Variants in CPEB2 observed in about 807,000 individuals in gnomAD.
CPEB2 encodes cytoplasmic polyadenylation element-binding protein 2.
In CPEB2, 56 loss-of-function variants were observed where a neutral mutation model predicts 93.6. That is an observed-to-expected ratio of 0.60 (90% confidence interval 0.48 to 0.75). CPEB2 has a LOEUF of 0.75. CPEB2 is among the 30% of genes least tolerant of loss of function. The pLI, the probability that CPEB2 is intolerant of heterozygous loss-of-function variation, is 0.00. For missense variants in CPEB2, 1,579 were observed against 1,395.1 expected, an observed-to-expected ratio of 1.13 and a Z score of -2.10; for synonymous variants, 764 against 586.3, an observed-to-expected ratio of 1.30 and a Z score of -4.38.
intron 4 of CPEB2, 93 bp from the exon 5 acceptor site, chr4:15,033,068 T>G (rs1726280857): frequency 2.5e-6 from 2 of 815,388 alleles, no homozygotes; most frequent in African/African-American, 1.7e-5. Context: ...AATTTTCTCT[T>G]TATGCTGCCT....
At chr4:15,064,597 C>G (rs1024368653) in intron 11 of CPEB2, among the ~76,000 whole-genome samples, 1 of 151,708 alleles carries the variant, frequency 6.6e-6, no homozygotes, top group African/African-American at 2.4e-5. Context: ...AAGAAATAAC[C>G]ATGAGAAAGA....
chr4:15,055,971 TC>T (rs1439174861), intron 8 of CPEB2, among the ~76,000 whole-genome samples: 1 of 152,328 alleles, frequency 6.6e-6, no homozygotes. Flanking sequence ...CCTGCCCAAC[TC>T]CTAGTGCTGT....
chr4:15,058,361 G>T, intron 8 of CPEB2, 60 bp from the exon 9 acceptor site: 11 of 895,232 alleles, frequency 1.2e-5, no homozygotes, highest in South Asian at 4.5e-5. Flanking sequence ...AAATAGTACT[G>T]AAATTTGGAG....
chr4:15,065,632 C>T (rs981699321), intron 11 of CPEB2, among the ~76,000 whole-genome samples: 12 of 152,178 alleles, frequency 7.9e-5, no homozygotes, highest in East Asian at 3.9e-4. Context: ...ACCTTCACAA[C>T]GGGACTTGTG....
At chr4:15,045,522 C>G (rs1727583668) in intron 6 of CPEB2, among the ~76,000 whole-genome samples, 1 of 152,040 alleles carries the variant, frequency 6.6e-6, no homozygotes, top group Non-Finnish European at 1.5e-5. Flanking sequence ...ATTTGGGTTT[C>G]TTTCATAACA....
At chr4:15,029,781 G>GA (rs1725884045) in intron 4 of CPEB2, among the ~76,000 whole-genome samples, 1 of 152,010 alleles carries the variant, frequency 6.6e-6, no homozygotes, top group African/African-American at 2.4e-5. Context: ...CTATTATCCT[G>GA]AAAACACAGT....
Position 15,003,420 on chromosome 4 carries a change from C to G in CPEB2, c.747C>G (p.Phe249Leu). The change falls in exon 1 of 12, where the codon TTC (phenylalanine) becomes TTG (leucine). Residue 249 changes from phenylalanine to leucine, a missense_variant. Coordinates refer to ENST00000538197, the MANE Select transcript of CPEB2 (RefSeq NM_001177382.2). ...AGCAGCACCTCTCGCCGCAGGACTT[C>G]GCCCCGCGGCAGCGTCCGGCAGACC... ...LHQQHLSPQDFAPRQRPADLP... is the reference protein window; with the variant it reads ...LHQQHLSPQDLAPRQRPADLP... The G allele has an allele frequency of 7.4e-7, 1 of 1,357,130 alleles. No individual in the cohort carries two copies. The highest frequency in any genetic ancestry group is 9.4e-7 in the Non-Finnish European group (1 of 1,065,160). The allele number at this position is 1,357,130 out of a possible 1,614,324, so 84.1% of individuals were successfully genotyped here.
chr4:15,016,001 G>A (rs1460721377), intron 3 of CPEB2, among the ~76,000 whole-genome samples: 2 of 151,932 alleles, frequency 1.3e-5, no homozygotes, highest in Non-Finnish European at 1.5e-5. Context: ...AGAAAGGGGG[G>A]ACTACTGTAC....
At chr4:15,048,927 A>G (rs1267878686) in intron 6 of CPEB2, among the ~76,000 whole-genome samples, 1 of 152,050 alleles carries the variant, frequency 6.6e-6, no homozygotes, top group Non-Finnish European at 1.5e-5. Context: ...ATAATTGGCA[A>G]GGTAAAAGGT....
intron 6 of CPEB2, among the ~76,000 whole-genome samples, chr4:15,052,111 C>G (rs1284226304): frequency 1.3e-5 from 2 of 151,790 alleles, no homozygotes; most frequent in Non-Finnish European, 2.9e-5. Context: ...TTCTAACTGT[C>G]CACATACATT....
chr4:15,053,565 C>A (rs1323399885), intron 7 of CPEB2, among the ~76,000 whole-genome samples: 1 of 152,090 alleles, frequency 6.6e-6, no homozygotes, highest in Non-Finnish European at 1.5e-5. Flanking sequence ...TTCAGATATC[C>A]ACAAACTTAA....
At chr4:15,034,203 C>T (rs1726387862) in intron 5 of CPEB2, among the ~76,000 whole-genome samples, 2 of 152,124 alleles carry the variant, frequency 1.3e-5, no homozygotes, top group Admixed American at 1.3e-4. Context: ...AGTTGTCTAG[C>T]GCATGCCAGT....
At chr4:15,042,715 G>A (rs1727302910) in intron 6 of CPEB2, among the ~76,000 whole-genome samples, 1 of 152,170 alleles carries the variant, frequency 6.6e-6, no homozygotes, top group African/African-American at 2.4e-5. Flanking sequence ...CACTGAAACG[G>A]TAAGTAATGC....
Position 15,008,440 on chromosome 4 carries a change from G to GT in CPEB2, c.2034+14dup. 1 of 1,583,408 alleles carries GT rather than the reference G, an allele frequency of 6.3e-7. No homozygotes were observed. The highest frequency in any genetic ancestry group is 8.7e-7 in the Non-Finnish European group (1 of 1,153,998). The stretch of plus-strand genomic sequence containing the variant: ...CAGAATAGACCAGGTAGGCTGCACA[G>GT]TGTATACTTTTTAGGATTTCGGTTA... On this transcript the variant is annotated intron_variant, in intron 3 of 11. Coordinates refer to ENST00000538197, the MANE Select transcript of CPEB2 (RefSeq NM_001177382.2).
At chr4:15,047,704 T>C (rs1424096362) in intron 6 of CPEB2, among the ~76,000 whole-genome samples, 2 of 152,076 alleles carry the variant, frequency 1.3e-5, no homozygotes, top group Non-Finnish European at 2.9e-5. Context: ...TTTGCCAGTG[T>C]TCATGACTTT....
intron 6 of CPEB2, among the ~76,000 whole-genome samples, chr4:15,051,908 A>G (rs1728265291): frequency 6.6e-6 from 1 of 152,254 alleles, no homozygotes; most frequent in Non-Finnish European, 1.5e-5. Flanking sequence ...AGCTCCGTCT[A>G]CTGTTTCATG....
intron 4 of CPEB2, among the ~76,000 whole-genome samples, chr4:15,020,074 C>T (rs949818930): frequency 2.0e-5 from 3 of 151,984 alleles, no homozygotes; most frequent in African/African-American, 7.2e-5. Context: ...TGGTTTGTTG[C>T]CTCATGGACC....
chr4:15,056,943 T>A (rs1728766354), intron 8 of CPEB2, among the ~76,000 whole-genome samples: 2 of 152,180 alleles, frequency 1.3e-5, no homozygotes, highest in South Asian at 4.2e-4. Context: ...TAACAAAAAT[T>A]GAGCAATATT....
chr4:15,032,503 T>C (rs1305825633), intron 4 of CPEB2, among the ~76,000 whole-genome samples: 3 of 152,170 alleles, frequency 2.0e-5, no homozygotes, highest in Non-Finnish European at 4.4e-5. Context: ...AATAAAAAAC[T>C]TTCGAATGAA....
Sources: allele counts gnomAD v4.1 joint callset (sites outside exome capture counted in the v4.1 genomes callset), GRCh38; gene constraint gnomAD v4.1.1; transcripts MANE v1.5; gene names NCBI Gene and HGNC (gene_info 2026-07-23, HGNC 2026-07-21).